SLC38A4: variants seen among roughly 807,000 people sequenced by gnomAD.
SLC38A4 encodes the protein sodium-coupled neutral amino acid transporter 4.
A neutral mutation model predicts 63.1 loss-of-function variants in SLC38A4; 20 were observed. The observed-to-expected ratio is 0.32, with a 90% CI of 0.22 to 0.46. The LOEUF is 0.46. Among genes scored for constraint, SLC38A4 ranks in the 20% least tolerant of loss-of-function variants. SLC38A4 has a pLI of 1.00. For missense variants in SLC38A4, 526 were observed against 663.6 expected (o/e 0.79, Z 2.28); for synonymous variants, 230 against 225.5 (o/e 1.02, Z -0.18).
intron 7 of SLC38A4, among the ~76,000 whole-genome samples, chr12:46,781,229 C>T (rs768961137): frequency 2.6e-5 from 4 of 152,028 alleles, no homozygotes; most frequent in Non-Finnish European, 4.4e-5. Flanking sequence ...TTGAAAAGGA[C>T]GGACTACATC....
chr12:46,773,902 T>A (rs922005266), intron 14 of SLC38A4, among the ~76,000 whole-genome samples: 1 of 152,080 alleles, frequency 6.6e-6, no homozygotes, highest in African/African-American at 2.4e-5. Context: ...AGTGAGTGAT[T>A]TTTTTACACA....
chr12:46,809,398 T>C (rs1939297311), intron 1 of SLC38A4, among the ~76,000 whole-genome samples: 1 of 152,114 alleles, frequency 6.6e-6, no homozygotes, highest in Non-Finnish European at 1.5e-5. Context: ...CTCATTCACT[T>C]TTTAATGAAC....
intron 13 of SLC38A4, among the ~76,000 whole-genome samples, chr12:46,775,411 G>A (rs1046694867): frequency 6.6e-6 from 1 of 151,994 alleles, no homozygotes; most frequent in African/African-American, 2.4e-5. Flanking sequence ...AGCCTCTCAA[G>A]CTCATTTACA....
At chr12:46,820,621 A>G (rs889129765) in intron 1 of SLC38A4, among the ~76,000 whole-genome samples, 2 of 152,142 alleles carry the variant, frequency 1.3e-5, no homozygotes, top group African/African-American at 2.4e-5. Flanking sequence ...TATTGTGAAT[A>G]GCGCAGCAAT....
At chr12:46,786,915 G>A (rs1169753113) in intron 5 of SLC38A4, among the ~76,000 whole-genome samples, 2 of 152,164 alleles carry the variant, frequency 1.3e-5, no homozygotes, top group African/African-American at 4.8e-5. Flanking sequence ...TAACTCTCTA[G>A]CGTTGCATTT....
At chr12:46,817,878 A>T (rs956801165) in intron 1 of SLC38A4, among the ~76,000 whole-genome samples, 4 of 151,950 alleles carry the variant, frequency 2.6e-5, no homozygotes, top group African/African-American at 9.7e-5. Flanking sequence ...AATTACTTAG[A>T]TATACTAATA....
At chr12:46,793,645 T>A (rs1394921390) in intron 2 of SLC38A4, among the ~76,000 whole-genome samples, 1 of 152,120 alleles carries the variant, frequency 6.6e-6, no homozygotes, top group Non-Finnish European at 1.5e-5. Flanking sequence ...TTAATTTAAT[T>A]GGACATGAAA....
At chr12:46,808,482 A>G (rs1451737048) in intron 1 of SLC38A4, among the ~76,000 whole-genome samples, 1 of 151,412 alleles carries the variant, frequency 6.6e-6, no homozygotes, top group Non-Finnish European at 1.5e-5. Flanking sequence ...CTAAATAGAA[A>G]ATTGCTTTTA....
Position 46,788,527 on chromosome 12 carries a change from C to T in SLC38A4, c.210+1G>A. The T allele has an allele frequency of 6.2e-7, 1 of 1,611,510 alleles. No homozygotes were observed. The highest frequency in any genetic ancestry group is 8.5e-7 in the Non-Finnish European group (1 of 1,178,180). On this transcript the variant is annotated splice_donor_variant, in intron 4 of 16. Transcript: ENST00000266579. LOFTEE classifies it high-confidence loss of function. ...TTGCCTGAAAGCATAGATTCACTTACGTGTTCATCAGCATAATCTGCCAGC... is the reference window on the plus strand; with the variant it reads ...TTGCCTGAAAGCATAGATTCACTTATGTGTTCATCAGCATAATCTGCCAGC...
intron 4 of SLC38A4, 31 bp from the exon 5 acceptor site, chr12:46,788,062 A>G (rs1178070650): frequency 1.8e-5 from 28 of 1,546,346 alleles, no homozygotes; most frequent in Non-Finnish European, 2.5e-5. Context: ...TTATAAGCAA[A>G]CATTTGCCAA....
In SLC38A4 at chr12:46,793,254, A is replaced by T; in HGVS notation, c.-112-71T>A. On this transcript the variant is annotated intron_variant, in intron 2 of 16. Coordinates refer to ENST00000266579, the MANE Select transcript of SLC38A4 (RefSeq NM_018018.5). ...AAATAAGTGAATATGAATCATCTAC[A>T]TTTTGTATGCTCTCTGTAAAAGGGA... 7.3e-6 allele frequency: 3 copies of T among 411,054 alleles called. 1 individual carries two copies. Among genetic ancestry groups the T allele is most frequent in the Non-Finnish European group, 1.3e-5 (3 of 229,250 alleles). 25.5% of individuals were successfully genotyped at this position (411,054 alleles called of 1,614,324 possible).
chr12:46,780,154 T>A, intron 7 of SLC38A4, 124 bp from the exon 8 acceptor site: 1 of 733,452 alleles, frequency 1.4e-6, no homozygotes, highest in Non-Finnish European at 2.3e-6. Context: ...AAAGTCATTG[T>A]GTATTTGGCA....
chr12:46,775,018 G>T (rs897636211), intron 14 of SLC38A4, 31 bp downstream of exon 14: 39 of 1,607,882 alleles, frequency 2.4e-5, no homozygotes, highest in Non-Finnish European at 3.2e-5. Flanking sequence ...GGGTCAAGTA[G>T]GTTTCTTTCA....
chr12:46,821,759 C>T (rs140897449), intron 1 of SLC38A4, among the ~76,000 whole-genome samples: 2 of 152,140 alleles, frequency 1.3e-5, no homozygotes, highest in East Asian at 1.9e-4. Flanking sequence ...AGGACAGCAT[C>T]GAATTTGTAG....
intron 1 of SLC38A4, among the ~76,000 whole-genome samples, chr12:46,804,617 C>T (rs1377953054): frequency 1.3e-5 from 2 of 151,916 alleles, no homozygotes; most frequent in Non-Finnish European, 2.9e-5. Context: ...CATTGCTCCT[C>T]GAGTAAGATA....
rs199895728 is a variant in SLC38A4 at position 46,778,602 on chromosome 12, C to T, written c.892G>A (p.Asp298Asn). 2.7e-5 allele frequency: 43 copies of T among 1,613,098 alleles called. 1 individual carries two copies. The East Asian group carries it at 9.6e-4, about 36-fold the overall frequency. ...DYTHRNPAGL[D>N]ENQAKGSLHD... ...AGAGAGCCCTTGGCCTGGTTCTCAT[C>T]CAGCCCTGCAGGATTGCGGTGGGTG... Residue 298 changes from aspartate (D) to asparagine (N), a missense_variant, in exon 11 of 17, where the codon GAT (aspartate) becomes AAT (asparagine). Transcript: ENST00000266579.
At chr12:46,825,313 T>TTATATATATATATATATA (rs34878223) in intron 1 of SLC38A4, among the ~76,000 whole-genome samples, 363 of 140,484 alleles carry the variant, frequency 2.6e-3, no homozygotes, top group African/African-American at 8.4e-3. Context: ...TATACAAAGT[T>TTATATATATATATATATA]TATATATATA....
intron 1 of SLC38A4, among the ~76,000 whole-genome samples, chr12:46,821,372 G>T (rs1234112686): frequency 1.3e-5 from 2 of 151,978 alleles, no homozygotes; most frequent in African/African-American, 4.8e-5. Flanking sequence ...TCATTCTTTT[G>T]CATGTGGATA....
rs186800389 is a variant in SLC38A4 at position 46,814,627 on chromosome 12, C to T, written c.-304-10833G>A. Among the ~76,000 whole-genome samples, 301 of 151,972 alleles carry T rather than the reference C, an allele frequency of 2.0e-3. 3 individuals are homozygous for T. The highest frequency in any genetic ancestry group is 0.019 in the Admixed American group (282 of 15,224). On this transcript the variant is annotated intron_variant, in intron 1 of 16. Coordinates refer to ENST00000266579, the MANE Select transcript of SLC38A4 (RefSeq NM_018018.5). The stretch of plus-strand genomic sequence containing the variant: ...TGCTGAGCATTTTAGTACTAATTGC[C>T]AAAACAGCCACACAGTTTTGGTCTA...
Sources: gnomAD v4.1 joint callset for allele counts (sites outside exome capture counted in the v4.1 genomes callset) on GRCh38, gnomAD v4.1.1 for gene constraint, MANE v1.5 for transcripts, NCBI Gene and HGNC (gene_info 2026-07-23, HGNC 2026-07-21) for gene names.